The following MAX variants were observed in gnomAD, a reference collection of about 807,000 sequenced individuals.
MAX encodes the protein protein max.
MAX carries 3 observed loss-of-function variants against 22.3 expected under a neutral mutation model. The observed-to-expected ratio is 0.13, with a 90% CI of 0.06 to 0.35. The LOEUF (loss-of-function observed/expected upper bound fraction) is 0.35. Among genes scored for constraint, MAX ranks in the 10% least tolerant of loss-of-function variants. MAX has a pLI of 1.00. For missense variants in MAX, 119 were observed against 209.4 expected, an observed-to-expected ratio of 0.57 and a Z score of 2.66; for synonymous variants, 72 against 77.7, an observed-to-expected ratio of 0.93 and a Z score of 0.39.
chr14:65,024,095 C>T (rs1303629501), intron 3 of MAX, among the ~76,000 whole-genome samples: 1 of 149,296 alleles, frequency 6.7e-6, no homozygotes, highest in East Asian at 1.9e-4. Context: ...GAGGGACACT[C>T]CATCTCCTAA....
At chr14:65,015,710 C>T in intron 3 of MAX, 2 of 1,614,140 alleles carry the variant, frequency 1.2e-6, no homozygotes, top group Non-Finnish European at 1.7e-6. Context: ...CAGATAGTGG[C>T]TACAGAGTGA....
chr14:65,098,165 C>G (rs1383325291), intron 2 of MAX, among the ~76,000 whole-genome samples: 2 of 152,206 alleles, frequency 1.3e-5, no homozygotes, highest in Non-Finnish European at 2.9e-5. Flanking sequence ...CTAACACAGG[C>G]ACATTTAGGA....
At position 65,012,292 on chromosome 14, in the gene MAX, G is replaced by A; in HGVS notation, c.172-6008C>T. On this transcript the variant is annotated intron_variant, in intron 3 of 3. Transcript: ENST00000341653. This position sits in a 1 kb window ranked among gnomAD's most constrained non-coding sequence, Gnocchi z 5.0. The stretch of plus-strand genomic sequence containing the variant: ...GTGGAAGCATAAGCTATTAGAATGG[G>A]CTTATAAACTGTTTGTCTTTCCAGG... 3 of 1,613,832 alleles carry A rather than the reference G, an allele frequency of 1.9e-6. No individual in the cohort carries two copies. In the South Asian group the frequency reaches 3.3e-5, roughly 18 times the overall value.
intron 3 of MAX, among the ~76,000 whole-genome samples, chr14:65,055,776 C>T (rs1379446578): frequency 1.3e-5 from 2 of 152,188 alleles, no homozygotes; most frequent in Non-Finnish European, 2.9e-5. Context: ...CTCAGCCTCC[C>T]AAGGTGCCAG....
At chr14:65,041,474 T>G (rs1032434286) in intron 3 of MAX, among the ~76,000 whole-genome samples, 3 of 152,112 alleles carry the variant, frequency 2.0e-5, no homozygotes, top group African/African-American at 7.2e-5. Flanking sequence ...AGTTAAATGA[T>G]CAGTGGGTGC....
At chr14:65,068,135 T>C (rs1276476054) in intron 3 of MAX, among the ~76,000 whole-genome samples, 1 of 152,192 alleles carries the variant, frequency 6.6e-6, no homozygotes, top group Non-Finnish European at 1.5e-5. Context: ...GTAGCTACTA[T>C]ATGCAGTCCA....
At chr14:65,013,651 G>A (rs1051891800) in intron 3 of MAX, among the ~76,000 whole-genome samples, 16 of 152,146 alleles carry the variant, frequency 1.1e-4, no homozygotes, top group African/African-American at 3.6e-4. Context: ...AGGTTCAAGC[G>A]ATTCTCTTGC....
chr14:65,034,194 A>T (rs1055947366), intron 3 of MAX, among the ~76,000 whole-genome samples: 1 of 152,132 alleles, frequency 6.6e-6, no homozygotes, highest in Non-Finnish European at 1.5e-5. Context: ...CCCCTTCTGG[A>T]GCCCTCTGCC....
At chr14:65,039,801 G>A (rs563822021) in intron 3 of MAX, among the ~76,000 whole-genome samples, 36 of 152,066 alleles carry the variant, frequency 2.4e-4, no homozygotes, top group Admixed American at 1.2e-3. Context: ...TAAAAATAAC[G>A]TTTATTTTTT....
intron 3 of MAX, among the ~76,000 whole-genome samples, chr14:65,038,130 G>A (rs1438686392): frequency 6.6e-6 from 1 of 152,154 alleles, no homozygotes; most frequent in Non-Finnish European, 1.5e-5. Flanking sequence ...ATACTTTGAG[G>A]CTGGGCGTGG....
rs982881905 is a variant in MAX at position 65,069,582 on chromosome 14, G to A, written c.171+24126C>T. Among the ~76,000 whole-genome samples the A allele has an allele frequency of 4.6e-5, 7 of 152,216 alleles. No homozygotes were observed. The highest frequency in any genetic ancestry group is 1.9e-4 in the East Asian group (1 of 5,202). ...TCAAATACCCGAGGGTTGAACTCAC[G>A]CAGAGGCAACCCTGGAACCGCCCTA... On this transcript the variant is annotated intron_variant, in intron 3 of 3. Coordinates refer to the MAX transcript ENST00000341653. This position sits in a 1 kb window ranked among gnomAD's most constrained non-coding sequence, Gnocchi z 4.6.
chr14:65,073,128 C>T (rs55940963), downstream of MAX, among the ~76,000 whole-genome samples: 457 of 152,324 alleles, frequency 3.0e-3, 2 homozygotes, highest in Non-Finnish European at 5.2e-3. Context: ...AGCCTCATAA[C>T]CATCTCATGA....
chr14:65,041,731 G>C (rs571007971), intron 3 of MAX, among the ~76,000 whole-genome samples: 1 of 152,228 alleles, frequency 6.6e-6, no homozygotes, highest in Admixed American at 6.5e-5. Flanking sequence ...AGCCTCCCCC[G>C]GTGTAGTCTT....
chr14:65,102,369 G>C lies in MAX; in HGVS notation c.-30C>G, dbSNP rs755465193. ...TACGGCCCAGGGAGCGGCCACTGCA[G>C]CGGCGGCGGGGAGGGGAAGGGGTGA... On this transcript the variant is annotated 5_prime_UTR_variant, in exon 1 of 5. Coordinates refer to ENST00000358664, the MANE Select transcript of MAX (RefSeq NM_002382.5). The C allele has an allele frequency of 6.4e-5, 103 of 1,612,386 alleles. No homozygotes were observed. The South Asian group carries it at 6.9e-4, about 11-fold the overall frequency.
rs554649009 is a variant in MAX, at chr14:65,066,939, G to A, written c.171+26769C>T. On this transcript the variant is annotated intron_variant, in intron 3 of 3. Coordinates refer to the MAX transcript ENST00000341653. ...GACTGTAATCCCAACACTTTGGGAG[G>A]CCAAGGCTGGAAGATCACTTGAACT... Among the ~76,000 whole-genome samples the A allele has an allele frequency of 3.3e-5, 5 of 151,600 alleles. No individual in the cohort carries two copies. In the South Asian group the frequency reaches 1.0e-3, roughly 32 times the overall value.
In MAX at chr14:65,078,129, G is replaced by A. The variant is rs2139757638; in HGVS notation, c.172-93C>T. 7.2e-7 allele frequency: 1 copy of A among 1,384,698 alleles called. No homozygotes were observed. Among genetic ancestry groups the A allele is most frequent in the African/African-American group, 1.4e-5 (1 of 70,670 alleles). The allele number at this position is 1,384,698 out of a possible 1,614,324, so 85.8% of individuals were successfully genotyped here. Reference sequence around the variant, plus strand: ...GCCTGCAGCAACTGCTTGGGTGGCTGGAAACGAGAGGGTAAGGTGGGAAAA... The same window carrying A: ...GCCTGCAGCAACTGCTTGGGTGGCTAGAAACGAGAGGGTAAGGTGGGAAAA... On this transcript the variant is annotated intron_variant, in intron 3 of 4. Coordinates refer to ENST00000358664, the MANE Select transcript of MAX (RefSeq NM_002382.5). The surrounding 1 kb of genome is among the most constrained non-coding windows in gnomAD (Gnocchi z 6.4).
Position 65,084,349 on chromosome 14 carries a change from G to A in MAX, c.172-6313C>T, listed in dbSNP as rs1381525523. The A allele has an allele frequency of 3.5e-6, 4 of 1,139,032 alleles. No individual in the cohort carries two copies. Among genetic ancestry groups the A allele is most frequent in the Non-Finnish European group, 5.3e-6 (4 of 755,284 alleles). 70.6% of individuals were successfully genotyped at this position (1,139,032 alleles called of 1,614,324 possible). A position where few individuals can be genotyped will look rare whatever the true frequency, so the allele number is the denominator to read the frequency against. ...CAATTAATTTCACAAGTAATAAATA[G>A]AATACAAAATTACTAACTTTTGTTT... On this transcript the variant is annotated intron_variant, in intron 3 of 4. Transcript: ENST00000358664. The surrounding 1 kb of genome is among the most constrained non-coding windows in gnomAD (Gnocchi z 4.3).
chr14:65,033,548 C>T (rs1447606236), intron 3 of MAX, among the ~76,000 whole-genome samples: 3 of 152,106 alleles, frequency 2.0e-5, no homozygotes, highest in African/African-American at 7.2e-5. Flanking sequence ...CCTGGATGCT[C>T]CAAATATTTC....
intron 3 of MAX, among the ~76,000 whole-genome samples, chr14:65,064,185 T>C (rs2062908245): frequency 6.6e-6 from 1 of 152,222 alleles, no homozygotes; most frequent in South Asian, 2.1e-4. Context: ...CTTTCATGAC[T>C]GGGATGCTTT....
Sources: allele counts gnomAD v4.1 joint callset (sites outside exome capture counted in the v4.1 genomes callset), GRCh38; gene constraint gnomAD v4.1.1; non-coding constraint Gnocchi (gnomAD v3.1); transcripts MANE v1.5; gene names NCBI Gene and HGNC (gene_info 2026-07-23, HGNC 2026-07-21).